The following BTG4 variants were observed in gnomAD, a reference collection of about 807,000 sequenced individuals.
The protein encoded by BTG4 is protein BTG4.
A neutral mutation model predicts 19.3 loss-of-function variants in BTG4; 10 were observed. The ratio of observed to expected loss-of-function variants is 0.52; its 90% CI spans 0.32 to 0.88. BTG4 has a LOEUF of 0.88. BTG4 is among the 40% of genes least tolerant of loss of function. The pLI is 0.04. For missense variants in BTG4, 238 were observed against 281.9 expected (o/e 0.84, Z 1.11); for synonymous variants, 91 against 95.7 (o/e 0.95, Z 0.29).
chr11:111,468,475 C>T (rs920768877), intron 5 of BTG4, among the ~76,000 whole-genome samples: 4 of 152,190 alleles, frequency 2.6e-5, no homozygotes, highest in African/African-American at 7.2e-5. Flanking sequence ...AGTTAAAACT[C>T]GAGCCCAGGT....
the BTG4 span, among the ~76,000 whole-genome samples, chr11:111,444,456 T>G: frequency 6.6e-6 from 1 of 150,582 alleles, no homozygotes. Flanking sequence ...CTGGGAAGAG[T>G]AGTGGGGGGC....
At chr11:111,400,715 C>T in the BTG4 span, among the ~76,000 whole-genome samples, 1 of 152,152 alleles carries the variant, frequency 6.6e-6, no homozygotes, top group African/African-American at 2.4e-5. Flanking sequence ...GAAGAAATAA[C>T]CTCACCATGG....
the BTG4 span, among the ~76,000 whole-genome samples, chr11:111,411,547 T>C: frequency 0.042 from 6,441 of 152,282 alleles, 190 homozygotes; most frequent in Non-Finnish European, 0.063. Flanking sequence ...TTTCTTTTCC[T>C]TCATATCATG....
the BTG4 span, among the ~76,000 whole-genome samples, chr11:111,436,635 GAAA>G: frequency 6.9e-6 from 1 of 145,682 alleles, no homozygotes. Context: ...CTCAAAAAAA[GAAA>G]AAAAAAAAAC....
chr11:111,451,873 C>T, the BTG4 span, among the ~76,000 whole-genome samples: 1 of 152,198 alleles, frequency 6.6e-6, no homozygotes, highest in Non-Finnish European at 1.5e-5. Flanking sequence ...ACAGATGGTC[C>T]TGGGATGCCA....
the BTG4 span, among the ~76,000 whole-genome samples, chr11:111,447,862 G>T: frequency 6.6e-6 from 1 of 152,176 alleles, no homozygotes; most frequent in East Asian, 1.9e-4. Context: ...TCTGAGTTGG[G>T]ATCCTGGGTC....
At chr11:111,486,545 T>C (rs1414879741) in intron 5 of BTG4, among the ~76,000 whole-genome samples, 2 of 152,126 alleles carry the variant, frequency 1.3e-5, no homozygotes, top group African/African-American at 4.8e-5. Context: ...ATGAGGCCAG[T>C]ATTACTTGGA....
At chr11:111,508,040 A>C (rs1866584632) in intron 1 of BTG4, 1 of 152,224 alleles carries the variant, frequency 6.6e-6, no homozygotes, top group Middle Eastern at 3.2e-3. Flanking sequence ...ACATGCCTAT[A>C]CCTAAAATCA....
At chr11:111,451,887 T>G in the BTG4 span, among the ~76,000 whole-genome samples, 1 of 152,152 alleles carries the variant, frequency 6.6e-6, no homozygotes, top group Non-Finnish European at 1.5e-5. Context: ...GATGCCAAAG[T>G]TCATTTCACA....
the BTG4 span, among the ~76,000 whole-genome samples, chr11:111,384,001 C>T: frequency 6.6e-6 from 1 of 152,026 alleles, no homozygotes; most frequent in African/African-American, 2.4e-5. Flanking sequence ...TGAATGGCAT[C>T]TTGTTTTTTA....
chr11:111,407,080 A>G, the BTG4 span, among the ~76,000 whole-genome samples: 361 of 151,706 alleles, frequency 2.4e-3, 2 homozygotes, highest in African/African-American at 8.2e-3. Context: ...AGTGTCTGGC[A>G]CATGGTAAGC....
At chr11:111,491,937 T>C (rs1202170533), downstream of BTG4, among the ~76,000 whole-genome samples, 2 of 131,914 alleles carry the variant, frequency 1.5e-5, no homozygotes, top group Admixed American at 7.2e-5. Flanking sequence ...ATATAGTTGA[T>C]TATATTTTTT....
chr11:111,487,756 A>C (rs1865154675), intron 5 of BTG4, among the ~76,000 whole-genome samples: 1 of 152,252 alleles, frequency 6.6e-6, no homozygotes, highest in Non-Finnish European at 1.5e-5. Context: ...AAATAAATTC[A>C]GTAAAGTTGC....
At chr11:111,398,314 T>C in the BTG4 span, among the ~76,000 whole-genome samples, 324 of 152,292 alleles carry the variant, frequency 2.1e-3, no homozygotes, top group African/African-American at 7.6e-3. Context: ...CTCCAAATCT[T>C]AACTAAAATG....
the BTG4 span, among the ~76,000 whole-genome samples, chr11:111,458,552 A>G: frequency 6.6e-6 from 1 of 152,184 alleles, no homozygotes; most frequent in Non-Finnish European, 1.5e-5. Context: ...CCTGACATTC[A>G]GAGAGTTAAA....
the BTG4 span, among the ~76,000 whole-genome samples, chr11:111,422,187 C>T: frequency 3.3e-5 from 5 of 152,312 alleles, no homozygotes; most frequent in South Asian, 1.0e-3. Context: ...GTCTCAGCGA[C>T]CTTCACAAGG....
Position 111,495,039 on chromosome 11 carries a change from T to G in BTG4, c.*96A>C, listed in dbSNP as rs1865633665. On this transcript the variant is annotated 3_prime_UTR_variant, in exon 5 of 5. Transcript: ENST00000692032. ...CCTAGTCCCTAATATGGTCATTTTT[T>G]GTTTCATGGGCCTCTCAACCTTAAA... 19 of 1,370,332 alleles carry G rather than the reference T, an allele frequency of 1.4e-5. No homozygotes were observed. Among genetic ancestry groups the G allele is most frequent in the Middle Eastern group, 2.7e-4 (1 of 3,752 alleles). 84.9% of individuals were successfully genotyped at this position (1,370,332 alleles called of 1,614,324 possible).
chr11:111,462,281 G>C, the BTG4 span: 1 of 152,374 alleles, frequency 6.6e-6, no homozygotes, highest in Admixed American at 6.5e-5. Flanking sequence ...CTTCCCCTCC[G>C]AGGCCCATTC....
the BTG4 span, among the ~76,000 whole-genome samples, chr11:111,447,108 AC>A: frequency 2.0e-5 from 3 of 152,000 alleles, no homozygotes; most frequent in Non-Finnish European, 2.9e-5. Flanking sequence ...GGACCCTACA[AC>A]GCCTCCTTCT....
Sources: gnomAD v4.1 joint callset for allele counts (sites outside exome capture counted in the v4.1 genomes callset) on GRCh38, gnomAD v4.1.1 for gene constraint, MANE v1.5 for transcripts, NCBI Gene and HGNC (gene_info 2026-07-23, HGNC 2026-07-21) for gene names.